The following NRXN3 variants were observed in gnomAD, a reference collection of about 807,000 sequenced individuals.
NRXN3 encodes neurexin III.
A neutral mutation model predicts 137.6 loss-of-function variants in NRXN3; 32 were observed. The observed-to-expected ratio is 0.23, with a 90% CI of 0.18 to 0.31. NRXN3 has a LOEUF of 0.31. NRXN3 is among the 10% of genes least tolerant of loss of function. The pLI is 1.00. For synonymous variants in NRXN3, 798 were observed against 784.5 expected, an observed-to-expected ratio of 1.02 and a Z score of -0.29; for missense variants, 1,574 against 2,062.5, an observed-to-expected ratio of 0.76 and a Z score of 4.59.
intron 19 of NRXN3, among the ~76,000 whole-genome samples, chr14:79,738,860 A>C (rs2098951227): frequency 6.6e-6 from 1 of 152,040 alleles, no homozygotes; most frequent in Non-Finnish European, 1.5e-5. Flanking sequence ...CGCCCAGCCA[A>C]ATGTGTTCAT....
At chr14:78,699,638 C>CT (rs2098260173) in intron 6 of NRXN3, among the ~76,000 whole-genome samples, 2 of 152,154 alleles carry the variant, frequency 1.3e-5, no homozygotes, top group African/African-American at 4.8e-5. Flanking sequence ...TAATAGTTAC[C>CT]TTTTTCCCCT....
At chr14:79,279,586 T>C in intron 15 of NRXN3, 1 of 987,064 alleles carries the variant, frequency 1.0e-6, no homozygotes, top group Non-Finnish European at 1.2e-6. Flanking sequence ...GTCCTTCTTA[T>C]TCTCTTCCTC....
chr14:78,487,437 T>A (rs549416171), intron 4 of NRXN3, among the ~76,000 whole-genome samples: 3 of 152,216 alleles, frequency 2.0e-5, no homozygotes, highest in African/African-American at 7.2e-5. Flanking sequence ...TTTTGTCCAT[T>A]TTGCCTCAAA....
intron 15 of NRXN3, among the ~76,000 whole-genome samples, chr14:79,117,932 A>C: frequency 6.6e-6 from 1 of 152,176 alleles, no homozygotes; most frequent in Admixed American, 6.5e-5. Context: ...GGGTCAAGAG[A>C]TTAGGCTTAG....
intron 15 of NRXN3, among the ~76,000 whole-genome samples, chr14:79,407,352 T>TA (rs547602115): frequency 6.6e-6 from 1 of 152,008 alleles, no homozygotes; most frequent in Non-Finnish European, 1.5e-5. Flanking sequence ...TCCTCCCTTA[T>TA]AAAAAAAGGG....
At position 78,803,205 on chromosome 14, in the gene NRXN3, TCTC is replaced by T. The variant is rs201093114; in HGVS notation, c.2045-409_2045-407del. On this transcript the variant is annotated intron_variant, in intron 8 of 20. Transcript: ENST00000335750. ...TGCTCTGGTGGTTATAAACTGCTGC[TCTC>T]CTCCTATTCTTCATGAAATACAGGG... 8.5e-3 allele frequency among the ~76,000 whole-genome samples: 1,298 copies of T among 152,334 alleles called. 6 individuals carry two copies. The highest frequency in any genetic ancestry group is 0.013 in the Non-Finnish European group (864 of 68,028).
At chr14:79,433,921 A>G (rs1362123013) in intron 15 of NRXN3, among the ~76,000 whole-genome samples, 1 of 152,210 alleles carries the variant, frequency 6.6e-6, no homozygotes. Flanking sequence ...TTCACAATGC[A>G]AAAGTTGAAC....
At chr14:78,434,124 C>G (rs566578679) in intron 4 of NRXN3, among the ~76,000 whole-genome samples, 1 of 152,118 alleles carries the variant, frequency 6.6e-6, no homozygotes, top group South Asian at 2.1e-4. Context: ...TGTAATTTAT[C>G]GAAATGTTGT....
intron 10 of NRXN3, among the ~76,000 whole-genome samples, chr14:78,829,215 T>A (rs1311035892): frequency 6.6e-6 from 1 of 152,192 alleles, no homozygotes; most frequent in African/African-American, 2.4e-5. Flanking sequence ...TCTTTCTGAT[T>A]TACAATCATC....
At chr14:79,610,679 TAG>T (rs530936863) in intron 16 of NRXN3, among the ~76,000 whole-genome samples, 23 of 152,320 alleles carry the variant, frequency 1.5e-4, no homozygotes, top group African/African-American at 3.4e-4. Flanking sequence ...TGCTTCTAAA[TAG>T]AGTTACGTGA....
Position 78,581,699 on chromosome 14 carries a change from C to T in NRXN3, c.758-63421C>T, listed in dbSNP as rs549725309. Among the ~76,000 whole-genome samples, 11 of 152,284 alleles carry T rather than the reference C, an allele frequency of 7.2e-5. 1 individual carries two copies. In the South Asian group the frequency reaches 2.1e-3, roughly 29 times the overall value. On this transcript the variant is annotated intron_variant, in intron 4 of 20. Coordinates refer to ENST00000335750, the MANE Select transcript of NRXN3 (RefSeq NM_001330195.2). ...AGACAGGGACACATTTATGGACATT[C>T]CTTCCTCTGCTCTCTAAGACTGCAG... is the stretch of plus-strand genomic sequence containing the variant.
At chr14:78,380,664 C>A (rs758011777) in intron 4 of NRXN3, among the ~76,000 whole-genome samples, 1 of 152,162 alleles carries the variant, frequency 6.6e-6, no homozygotes, top group African/African-American at 2.4e-5. Flanking sequence ...ATTTCAGACT[C>A]CTGGTCTTTA....
intron 15 of NRXN3, among the ~76,000 whole-genome samples, chr14:79,073,882 A>G (rs2099691677): frequency 6.7e-6 from 1 of 148,666 alleles, no homozygotes; most frequent in African/African-American, 2.6e-5. Flanking sequence ...TGGCTGAGTG[A>G]CCTTGGACAC....
intron 15 of NRXN3, among the ~76,000 whole-genome samples, chr14:79,197,555 C>CTT (rs34453011): frequency 6.8e-5 from 10 of 146,998 alleles, no homozygotes; most frequent in South Asian, 2.2e-4. Context: ...TCTGTAATTT[C>CTT]TTTTTTTTTT....
intron 15 of NRXN3, among the ~76,000 whole-genome samples, chr14:79,419,205 C>A (rs915352178): frequency 2.0e-5 from 3 of 152,146 alleles, no homozygotes; most frequent in Admixed American, 6.5e-5. Flanking sequence ...TAAAAAGGGT[C>A]TTTGTATCTC....
intron 4 of NRXN3, among the ~76,000 whole-genome samples, chr14:78,616,209 G>C (rs527560287): frequency 6.6e-6 from 1 of 152,154 alleles, no homozygotes; most frequent in East Asian, 1.9e-4. Flanking sequence ...TTTTTCTTAG[G>C]ATAAAGTCCA....
intron 16 of NRXN3, among the ~76,000 whole-genome samples, chr14:79,505,221 A>G (rs1315270321): frequency 1.3e-5 from 2 of 152,056 alleles, no homozygotes; most frequent in Non-Finnish European, 2.9e-5. Flanking sequence ...ATCTCAAAAA[A>G]AAAAAAAAAA....
At position 78,298,161 on chromosome 14, in the gene NRXN3, C is replaced by T. The variant is rs181576071; in HGVS notation, c.757+301C>T. 4.5e-3 allele frequency among the ~76,000 whole-genome samples: 688 copies of T among 152,306 alleles called. 9 individuals are homozygous for T. Among genetic ancestry groups the T allele is most frequent in the Non-Finnish European group, 4.7e-3 (319 of 68,028 alleles). On this transcript the variant is annotated intron_variant, in intron 4 of 20. Coordinates refer to ENST00000335750, the MANE Select transcript of NRXN3 (RefSeq NM_001330195.2). ...AGCATGAAACCAGGCATGACGGTGT[C>T]GATAATGGGGGTGAATGAAGCTAAT...
intron 15 of NRXN3, among the ~76,000 whole-genome samples, chr14:79,284,518 G>A (rs1464605483): frequency 1.3e-5 from 2 of 151,694 alleles, no homozygotes; most frequent in African/African-American, 4.8e-5. Flanking sequence ...TCCTGCCTCT[G>A]TAGACGATTT....
Sources: allele counts gnomAD v4.1 joint callset (sites outside exome capture counted in the v4.1 genomes callset), GRCh38; gene constraint gnomAD v4.1.1; transcripts MANE v1.5; gene names NCBI Gene and HGNC (gene_info 2026-07-23, HGNC 2026-07-21).